XKR6: variants seen among roughly 807,000 people sequenced by gnomAD.
XKR6 encodes the protein XK related 6, also known as XK-related protein 6.
In XKR6, 22 loss-of-function variants were observed where a neutral mutation model predicts 56.7. The observed-to-expected ratio is 0.39, with a 90% confidence interval of 0.28 to 0.55. The LOEUF is 0.55. Among genes scored for constraint, XKR6 ranks in the 20% least tolerant of loss-of-function variants. XKR6 has a pLI of 0.66. For missense variants in XKR6, 852 were observed against 889.0 expected, an observed-to-expected ratio of 0.96 and a Z score of 0.53; for synonymous variants, 524 against 387.8, an observed-to-expected ratio of 1.35 and a Z score of -4.13.
At chr8:11,018,433 G>T (rs1445552347) in intron 1 of XKR6, among the ~76,000 whole-genome samples, 2 of 152,172 alleles carry the variant, frequency 1.3e-5, no homozygotes, top group East Asian at 3.9e-4. Flanking sequence ...GGCAAGAGAG[G>T]GAGGCCAGAT....
intron 1 of XKR6, among the ~76,000 whole-genome samples, chr8:10,959,645 T>C (rs1367199226): frequency 6.6e-6 from 1 of 152,170 alleles, no homozygotes; most frequent in Non-Finnish European, 1.5e-5. Flanking sequence ...CCCACCTTCA[T>C]GACCTCATGT....
chr8:11,050,048 G>C (rs983875685), intron 1 of XKR6, among the ~76,000 whole-genome samples: 5 of 152,124 alleles, frequency 3.3e-5, no homozygotes, highest in African/African-American at 1.2e-4. Context: ...CTGGCCTTGA[G>C]CAACACGCTC....
chr8:10,981,234 AGAGCATAC>A (rs1218930756), intron 1 of XKR6, among the ~76,000 whole-genome samples: 1 of 152,234 alleles, frequency 6.6e-6, no homozygotes, highest in Non-Finnish European at 1.5e-5. Flanking sequence ...GCTTGTCCCC[AGAGCATAC>A]GAGGGGGTAA....
chr8:11,171,220 T>C (rs922853680), intron 1 of XKR6, among the ~76,000 whole-genome samples: 4 of 152,240 alleles, frequency 2.6e-5, no homozygotes, highest in Non-Finnish European at 4.4e-5. Context: ...CTCTGTAACA[T>C]GAACTGCCAT....
chr8:10,948,015 G>C (rs1363742440), intron 1 of XKR6, among the ~76,000 whole-genome samples: 1 of 152,152 alleles, frequency 6.6e-6, no homozygotes, highest in Non-Finnish European at 1.5e-5. Context: ...CAGGGTGCAG[G>C]GTGGGTTAGG....
chr8:10,984,757 T>TATATATATATATATATATATATATATA (rs1554519601), intron 1 of XKR6, among the ~76,000 whole-genome samples: 21 of 139,934 alleles, frequency 1.5e-4, no homozygotes, highest in Admixed American at 3.5e-4. Context: ...TATATATATA[T>TATATATATATATATATATATATATATA]TTGAAGAAAT....
At chr8:11,043,481 G>A (rs1217845033) in intron 1 of XKR6, among the ~76,000 whole-genome samples, 2 of 152,136 alleles carry the variant, frequency 1.3e-5, no homozygotes, top group African/African-American at 2.4e-5. Flanking sequence ...CCTCCTTCAC[G>A]TTTGACCTTG....
chr8:11,070,570 C>G (rs1269814011), intron 1 of XKR6, among the ~76,000 whole-genome samples: 1 of 152,172 alleles, frequency 6.6e-6, no homozygotes, highest in African/African-American at 2.4e-5. Context: ...TAGGCTGGTT[C>G]CATCCTGAAA....
chr8:11,183,780 T>C (rs1275435991), intron 1 of XKR6, among the ~76,000 whole-genome samples: 1 of 152,202 alleles, frequency 6.6e-6, no homozygotes, highest in Non-Finnish European at 1.5e-5. Flanking sequence ...AATACGGTTT[T>C]TGGAAAGTCT....
intron 1 of XKR6, chr8:11,106,585 A>G: frequency 6.6e-6 from 1 of 152,612 alleles, no homozygotes; most frequent in Non-Finnish European, 1.5e-5. Flanking sequence ...GCGGTGGCTC[A>G]TGCCTGTAAT....
chr8:10,898,215 T>C lies in XKR6; in HGVS notation c.1663A>G (p.Thr555Ala), dbSNP rs1386510431. The C allele has an allele frequency of 1.2e-6, 2 of 1,614,140 alleles. No individual in the cohort carries two copies. Among genetic ancestry groups the C allele is most frequent in the Non-Finnish European group, 1.7e-6 (2 of 1,180,020 alleles). Reference protein sequence around the residue: ...RAVTEQQEDLTADTCLPVFQV... With the variant: ...RAVTEQQEDLAADTCLPVFQV... Reference sequence around the variant, plus strand: ...AAAACAGGCAAGCAAGTGTCAGCCGTGAGATCCTCCTGTTGTTCCGTTACG... The same window carrying C: ...AAAACAGGCAAGCAAGTGTCAGCCGCGAGATCCTCCTGTTGTTCCGTTACG... The change falls in exon 3 of 3, where the codon ACG becomes GCG. Residue 555 changes from threonine to alanine, a missense_variant. Physicochemically the swap from Thr to Ala is moderately conservative, Grantham distance 58. Transcript: ENST00000416569. This position sits in a 1 kb window ranked among gnomAD's most constrained non-coding sequence, Gnocchi z 6.6.
chr8:10,999,110 C>T (rs1436623046), intron 1 of XKR6, among the ~76,000 whole-genome samples: 1 of 152,198 alleles, frequency 6.6e-6, no homozygotes, highest in East Asian at 1.9e-4. Flanking sequence ...GTCTAGCTGC[C>T]TTATTCTTTC....
intron 1 of XKR6, among the ~76,000 whole-genome samples, chr8:11,084,181 A>G (rs1008047642): frequency 6.6e-6 from 1 of 152,244 alleles, no homozygotes; most frequent in Non-Finnish European, 1.5e-5. Context: ...AGTTTGGTTT[A>G]TCCACAAACA....
At position 11,009,446 on chromosome 8, in the gene XKR6, A is replaced by G. The variant is rs1171956501; in HGVS notation, c.765-84616T>C. On this transcript the variant is annotated intron_variant, in intron 1 of 2. Coordinates refer to ENST00000416569, the MANE Select transcript of XKR6 (RefSeq NM_173683.4). ...GGATCACCTGAGCCTGGGGAAGTTG[A>G]GGCTGCAGAGAAGAGATCATACCAT... 2.0e-5 allele frequency among the ~76,000 whole-genome samples: 3 copies of G among 152,156 alleles called. No homozygotes were observed. The East Asian group carries it at 5.8e-4, about 29-fold the overall frequency.
intron 1 of XKR6, among the ~76,000 whole-genome samples, chr8:11,081,738 GGA>G (rs148292096): frequency 1.3e-5 from 2 of 151,868 alleles, no homozygotes; most frequent in African/African-American, 2.4e-5. Flanking sequence ...TCAGTTCAGT[GGA>G]GAGAGAGAGA....
chr8:10,938,429 A>T (rs561850891), intron 1 of XKR6, among the ~76,000 whole-genome samples: 82 of 152,256 alleles, frequency 5.4e-4, no homozygotes, highest in Admixed American at 7.9e-4. Context: ...TCCTCCCCCC[A>T]GCAGTTCTTT....
intron 1 of XKR6, among the ~76,000 whole-genome samples, chr8:10,946,768 G>A (rs769859301): frequency 6.6e-6 from 1 of 152,154 alleles, no homozygotes; most frequent in South Asian, 2.1e-4. Flanking sequence ...CAGACCAGTG[G>A]AGGAGACACG....
At chr8:11,125,294 C>G (rs543856527) in intron 1 of XKR6, among the ~76,000 whole-genome samples, 1 of 152,106 alleles carries the variant, frequency 6.6e-6, no homozygotes, top group South Asian at 2.1e-4. Context: ...CAAATGCAGA[C>G]CATCTCCTTA....
At chr8:11,057,668 C>T (rs1312699758) in intron 1 of XKR6, among the ~76,000 whole-genome samples, 4 of 152,190 alleles carry the variant, frequency 2.6e-5, no homozygotes, top group Non-Finnish European at 1.5e-5. Context: ...GCTCCATTGG[C>T]GACTGTGTCC....
Sources: gnomAD v4.1 joint callset for allele counts (sites outside exome capture counted in the v4.1 genomes callset) on GRCh38, gnomAD v4.1.1 for gene constraint, Gnocchi (gnomAD v3.1) non-coding constraint, MANE v1.5 for transcripts, NCBI Gene and HGNC (gene_info 2026-07-23, HGNC 2026-07-21) for gene names.